The following CNBD1 variants were observed in gnomAD, a reference collection of about 807,000 sequenced individuals.
The protein encoded by CNBD1 is cyclic nucleotide binding domain containing 1.
A neutral mutation model predicts 54.4 loss-of-function variants in CNBD1; 71 were observed. The ratio of observed to expected loss-of-function variants is 1.30; its 90% confidence interval spans 1.08 to 1.59. CNBD1 has a LOEUF of 1.59. CNBD1 is among the 40% of genes most tolerant of loss of function. The pLI, the probability that CNBD1 is intolerant of heterozygous loss-of-function variation, is 0.00. For missense variants in CNBD1, 659 were observed against 518.0 expected (o/e 1.27, Z -2.64); for synonymous variants, 182 against 170.7 (o/e 1.07, Z -0.51).
At chr8:86,888,549 T>C (rs368362401) in intron 2 of CNBD1, among the ~76,000 whole-genome samples, 1 of 152,134 alleles carries the variant, frequency 6.6e-6, no homozygotes, top group South Asian at 2.1e-4. Flanking sequence ...ATTGGTAAAA[T>C]GGAGATAACA....
At position 87,137,146 on chromosome 8, in the gene CNBD1, A is replaced by T. The variant is rs1250835756; in HGVS notation, c.432-68847A>T. Among the ~76,000 whole-genome samples, 161 of 138,128 alleles carry T rather than the reference A, an allele frequency of 1.2e-3. 6 individuals carry two copies. Among genetic ancestry groups the T allele is most frequent in the South Asian group, 4.2e-3 (19 of 4,564 alleles). 90.6% of individuals were successfully genotyped at this position (138,128 alleles called of 152,430 possible). ...TTTATTATATATAAATTATATATATATTTTTATTCTATATAAATTATATAT... is the reference window on the plus strand; with the variant it reads ...TTTATTATATATAAATTATATATATTTTTTTATTCTATATAAATTATATAT... On this transcript the variant is annotated intron_variant, in intron 4 of 10. Coordinates refer to ENST00000518476, the MANE Select transcript of CNBD1 (RefSeq NM_173538.3).
chr8:87,354,467 A>G (rs1810379896), intron 10 of CNBD1, among the ~76,000 whole-genome samples: 1 of 151,918 alleles, frequency 6.6e-6, no homozygotes, highest in African/African-American at 2.4e-5. Flanking sequence ...CAGGTTTGTT[A>G]CATATGTATA....
At chr8:87,408,085 G>C (rs1373013233) in intron 2 of CNBD1, among the ~76,000 whole-genome samples, 1 of 151,788 alleles carries the variant, frequency 6.6e-6, no homozygotes, top group South Asian at 2.1e-4. Flanking sequence ...TTATCTTCTA[G>C]ATATTCTTCT....
chr8:87,221,257 G>A lies in CNBD1; in HGVS notation c.577+15119G>A, dbSNP rs933759243. Among the ~76,000 whole-genome samples, 8 of 151,970 alleles carry A rather than the reference G, an allele frequency of 5.3e-5. No homozygotes were observed. In the South Asian group the frequency reaches 6.2e-4, roughly 12 times the overall value. ...ACTGTTTTTATTCTAATTGAACATT[G>A]TGTAATTGGTTATTTAAAACATAAT... On this transcript the variant is annotated intron_variant, in intron 5 of 10. Coordinates refer to ENST00000518476, the MANE Select transcript of CNBD1 (RefSeq NM_173538.3).
At chr8:86,890,322 C>T (rs2131791310) in intron 2 of CNBD1, among the ~76,000 whole-genome samples, 1 of 152,182 alleles carries the variant, frequency 6.6e-6, no homozygotes, top group East Asian at 1.9e-4. Context: ...CAGATTCCAC[C>T]TCTATGTGAG....
chr8:86,991,594 T>C (rs1170546235), intron 4 of CNBD1, among the ~76,000 whole-genome samples: 2 of 152,182 alleles, frequency 1.3e-5, no homozygotes, highest in Non-Finnish European at 2.9e-5. Context: ...CCAGTTCTTC[T>C]AGGTGCATTA....
chr8:87,223,336 AC>A (rs1814388647), intron 5 of CNBD1, among the ~76,000 whole-genome samples: 1 of 151,354 alleles, frequency 6.6e-6, no homozygotes, highest in Non-Finnish European at 1.5e-5. Context: ...GGTGTGCTGC[AC>A]CCACTAACTC....
intron 4 of CNBD1, among the ~76,000 whole-genome samples, chr8:86,964,067 G>T (rs1808007123): frequency 2.9e-5 from 1 of 34,672 alleles, no homozygotes; most frequent in Non-Finnish European, 6.1e-5. Flanking sequence ...ATTTTAAAAG[G>T]CCAAGGTGGC....
Position 86,989,304 on chromosome 8 carries a change from A to AATACATACATACATAC in CNBD1, c.431+49570_431+49585dup, listed in dbSNP as rs60755421. ...GCAAGACAGCATCTCAAAACAAATA[A>AATACATACATACATAC]ATACATACATACATACATACATACA... On this transcript the variant is annotated intron_variant, in intron 4 of 10. Transcript: ENST00000518476. Among the ~76,000 whole-genome samples the AATACATACATACATAC allele has an allele frequency of 6.2e-3, 930 of 149,250 alleles. 4 individuals are homozygous for AATACATACATACATAC. Among genetic ancestry groups the AATACATACATACATAC allele is most frequent in the South Asian group, 0.011 (49 of 4,638 alleles).
At chr8:87,122,133 G>T (rs1043981200) in intron 4 of CNBD1, among the ~76,000 whole-genome samples, 5 of 151,504 alleles carry the variant, frequency 3.3e-5, no homozygotes, top group African/African-American at 1.2e-4. Flanking sequence ...GTTTTTTGAG[G>T]AACCTCCATA....
chr8:87,223,110 A>G (rs1376921731), intron 5 of CNBD1, among the ~76,000 whole-genome samples: 2 of 150,902 alleles, frequency 1.3e-5, no homozygotes, highest in Non-Finnish European at 1.5e-5. Context: ...GACTTACATA[A>G]AAACCCCTGT....
intron 10 of CNBD1, among the ~76,000 whole-genome samples, chr8:87,364,160 A>G (rs1444192858): frequency 6.6e-6 from 1 of 151,642 alleles, no homozygotes; most frequent in East Asian, 1.9e-4. Flanking sequence ...CTGACATTTA[A>G]AATTAATTTT....
chr8:86,979,351 A>G (rs1808415273), intron 4 of CNBD1, among the ~76,000 whole-genome samples: 1 of 141,608 alleles, frequency 7.1e-6, no homozygotes. Context: ...AGATCACTTG[A>G]GCCCAAGAGT....
intron 8 of CNBD1, among the ~76,000 whole-genome samples, chr8:87,295,926 T>A (rs192368338): frequency 6.6e-6 from 1 of 152,136 alleles, no homozygotes; most frequent in Non-Finnish European, 1.5e-5. Flanking sequence ...AAAAGTAATT[T>A]CTACTAAAAT....
At chr8:87,158,681 G>A (rs1385882051) in intron 4 of CNBD1, among the ~76,000 whole-genome samples, 1 of 152,074 alleles carries the variant, frequency 6.6e-6, no homozygotes, top group Non-Finnish European at 1.5e-5. Context: ...ACATGTCTGT[G>A]GTCTTACAGC....
rs181856372 is a variant in CNBD1 at position 87,354,806 on chromosome 8, C to T, written c.1303+1020C>T. 8.0e-4 allele frequency among the ~76,000 whole-genome samples: 122 copies of T among 152,252 alleles called. 2 individuals are homozygous for T. The East Asian group carries it at 0.02, about 25-fold the overall frequency. On this transcript the variant is annotated intron_variant, in intron 10 of 10. Transcript: ENST00000518476. ...CACATTTTCTTAACCCAGTCTATCA[C>T]TGTTGGACATTTGGGTTGGTTCCAA...
At chr8:87,064,573 AT>A (rs533476165) in intron 4 of CNBD1, among the ~76,000 whole-genome samples, 8 of 151,800 alleles carry the variant, frequency 5.3e-5, no homozygotes, top group African/African-American at 9.6e-5. Flanking sequence ...TCAATATTAC[AT>A]TTTTTTGACC....
At chr8:87,250,348 AG>A in intron 6 of CNBD1, among the ~76,000 whole-genome samples, 1 of 152,192 alleles carries the variant, frequency 6.6e-6, no homozygotes. Context: ...ATATGGAAAA[AG>A]GGGAACTCTT....
At chr8:87,223,014 G>A (rs995409178) in intron 5 of CNBD1, among the ~76,000 whole-genome samples, 4 of 149,544 alleles carry the variant, frequency 2.7e-5, no homozygotes, top group Non-Finnish European at 5.9e-5. Context: ...ATTATTTAAT[G>A]GGCTGGAAAT....
Sources: allele counts gnomAD v4.1 joint callset (sites outside exome capture counted in the v4.1 genomes callset), GRCh38; gene constraint gnomAD v4.1.1; transcripts MANE v1.5; gene names NCBI Gene and HGNC (gene_info 2026-07-23, HGNC 2026-07-21).